The following GBE1 variants were observed in gnomAD, a reference collection of about 807,000 sequenced individuals.
GBE1 encodes the protein 1,4-alpha-glucan-branching enzyme.
In GBE1, 70 loss-of-function variants were observed where a neutral mutation model predicts 88.8. The ratio of observed to expected loss-of-function variants is 0.79; its 90% confidence interval spans 0.65 to 0.96. The LOEUF is 0.96. Among genes scored for constraint, GBE1 ranks in the 40% least tolerant of loss-of-function variants. GBE1 has a pLI of 0.00. For synonymous variants in GBE1, 284 were observed against 300.1 expected, an observed-to-expected ratio of 0.95 and a Z score of 0.56; for missense variants, 872 against 871.0, an observed-to-expected ratio of 1.00 and a Z score of -0.01.
chr3:81,521,524 G>T (rs1432439785), intron 14 of GBE1, among the ~76,000 whole-genome samples: 1 of 151,262 alleles, frequency 6.6e-6, no homozygotes, highest in African/African-American at 2.4e-5. Context: ...TACACTGTAG[G>T]TTAAAAGTAC....
intron 7 of GBE1, among the ~76,000 whole-genome samples, chr3:81,598,270 T>C (rs1017207318): frequency 1.3e-5 from 2 of 151,972 alleles, no homozygotes; most frequent in African/African-American, 4.8e-5. Flanking sequence ...CTCTTAGATA[T>C]TCCATAGGCT....
chr3:81,671,882 T>C (rs907167781), intron 2 of GBE1, among the ~76,000 whole-genome samples: 2 of 151,934 alleles, frequency 1.3e-5, no homozygotes, highest in Admixed American at 6.6e-5. Context: ...AAGCTATAAA[T>C]TGGGAGAATA....
intron 7 of GBE1, among the ~76,000 whole-genome samples, chr3:81,636,453 G>C (rs959249709): frequency 6.6e-6 from 1 of 151,916 alleles, no homozygotes; most frequent in South Asian, 2.1e-4. Flanking sequence ...ATTTCTTACT[G>C]TCTGACTTCC....
chr3:81,747,812 C>A (rs1207033502), intron 1 of GBE1, among the ~76,000 whole-genome samples: 2 of 152,164 alleles, frequency 1.3e-5, no homozygotes, highest in Non-Finnish European at 2.9e-5. Context: ...AGAGAACAAC[C>A]CCCTTTGACT....
intron 1 of GBE1, among the ~76,000 whole-genome samples, chr3:81,718,264 G>A (rs1453476084): frequency 2.0e-5 from 3 of 152,110 alleles, no homozygotes; most frequent in East Asian, 1.9e-4. Context: ...ACAGGCGTGA[G>A]CCACTGTGCC....
intron 2 of GBE1, among the ~76,000 whole-genome samples, chr3:81,703,794 T>C (rs1466707961): frequency 6.6e-6 from 1 of 152,052 alleles, no homozygotes; most frequent in African/African-American, 2.4e-5. Context: ...CTATTTTTTC[T>C]GGTCATTATT....
chr3:81,491,399 G>A (rs1044417807), intron 15 of GBE1, among the ~76,000 whole-genome samples: 1 of 152,018 alleles, frequency 6.6e-6, no homozygotes, highest in African/African-American at 2.4e-5. Flanking sequence ...ACCCTCAGTT[G>A]GTGCCACTGA....
chr3:81,698,409 G>A (rs1467089136), intron 2 of GBE1, among the ~76,000 whole-genome samples: 1 of 152,048 alleles, frequency 6.6e-6, no homozygotes, highest in African/African-American at 2.4e-5. Flanking sequence ...CATCTCCAAT[G>A]CAACGTTTAT....
At position 81,705,318 on chromosome 3, in the gene GBE1, T is replaced by C. The variant is rs1224086997; in HGVS notation, c.313+126A>G. 1.6e-5 allele frequency: 11 copies of C among 702,864 alleles called. No homozygotes were observed. In the Admixed American group the frequency reaches 3.9e-4, roughly 25 times the overall value. The allele number at this position is 702,864 out of a possible 1,614,324, so 43.5% of individuals were successfully genotyped here. A position where few individuals can be genotyped will look rare whatever the true frequency, so the allele number is the denominator to read the frequency against. On this transcript the variant is annotated intron_variant, in intron 2 of 15. Transcript: ENST00000429644. ...GCTTAATAAATTCTAAGGCTCTATCTGAAAAGTCTGATATTTATTTGTAAT... is the reference window on the plus strand; with the variant it reads ...GCTTAATAAATTCTAAGGCTCTATCCGAAAAGTCTGATATTTATTTGTAAT...
chr3:81,749,005 CAAAA>C (rs34051030), intron 1 of GBE1, among the ~76,000 whole-genome samples: 2 of 108,084 alleles, frequency 1.9e-5, no homozygotes, highest in Non-Finnish European at 1.9e-5. Context: ...GACTCTGTCT[CAAAA>C]AAAAAAAAAA....
intron 3 of GBE1, chr3:81,654,881 C>T (rs1052035450): frequency 6.6e-6 from 1 of 151,888 alleles, no homozygotes; most frequent in Non-Finnish European, 1.5e-5. Flanking sequence ...TACACATAAA[C>T]CCAACATATT....
intron 12 of GBE1, among the ~76,000 whole-genome samples, chr3:81,546,200 G>A (rs1703202405): frequency 1.3e-5 from 2 of 150,602 alleles, no homozygotes; most frequent in African/African-American, 4.9e-5. Context: ...CACTGTACAT[G>A]CACACACACA....
chr3:81,742,348 T>C (rs1371175698), intron 1 of GBE1, among the ~76,000 whole-genome samples: 1 of 152,162 alleles, frequency 6.6e-6, no homozygotes, highest in African/African-American at 2.4e-5. Context: ...AGGAAAATGC[T>C]ATGAACAACT....
intron 1 of GBE1, among the ~76,000 whole-genome samples, chr3:81,754,709 A>G (rs893771506): frequency 1.3e-4 from 20 of 152,172 alleles, no homozygotes; most frequent in Non-Finnish European, 2.2e-4. Flanking sequence ...AAAGGTGCCA[A>G]GAACTTAAAA....
At chr3:81,633,531 T>G (rs193222477) in intron 7 of GBE1, among the ~76,000 whole-genome samples, 90 of 152,260 alleles carry the variant, frequency 5.9e-4, no homozygotes, top group Non-Finnish European at 7.5e-4. Flanking sequence ...AGAAACAAGG[T>G]TACCAAATTT....
chr3:81,636,259 C>A (rs1704590121), intron 7 of GBE1, among the ~76,000 whole-genome samples: 1 of 152,128 alleles, frequency 6.6e-6, no homozygotes. Flanking sequence ...GTAGATTTAA[C>A]TGTTCTCCTT....
intron 2 of GBE1, among the ~76,000 whole-genome samples, chr3:81,676,525 CT>C (rs1284912794): frequency 4.6e-5 from 7 of 152,080 alleles, no homozygotes; most frequent in South Asian, 2.1e-4. Context: ...ACTAATTACT[CT>C]TTTAAAATAA....
rs184869057 is a variant in GBE1 at position 81,668,202 on chromosome 3, C to T, written c.429+2636G>A. Among the ~76,000 whole-genome samples the T allele has an allele frequency of 1.0e-3, 157 of 152,048 alleles. 1 individual carries two copies. The highest frequency in any genetic ancestry group is 1.8e-3 in the Non-Finnish European group (121 of 67,986). ...ACACGGGGAGGAGAACAACACACAC[C>T]AGGGCCTGTTGTGGGGTGGGGGTGA... On this transcript the variant is annotated intron_variant, in intron 3 of 15. Coordinates refer to ENST00000429644, the MANE Select transcript of GBE1 (RefSeq NM_000158.4).
chr3:81,585,786 TGTATTAAA>T (rs1384474901), intron 10 of GBE1, among the ~76,000 whole-genome samples: 4 of 152,218 alleles, frequency 2.6e-5, no homozygotes, highest in African/African-American at 9.6e-5. Context: ...AAGTCTAATA[TGTATTAAA>T]TATAGAGCAC....
Sources: gnomAD v4.1 joint callset for allele counts (sites outside exome capture counted in the v4.1 genomes callset) on GRCh38, gnomAD v4.1.1 for gene constraint, MANE v1.5 for transcripts, NCBI Gene and HGNC (gene_info 2026-07-23, HGNC 2026-07-21) for gene names.